The following PHF21A variants were observed in gnomAD, a reference collection of about 807,000 sequenced individuals.
The protein encoded by PHF21A is BHC80a.
PHF21A carries 11 observed loss-of-function variants against 82.5 expected under a neutral mutation model. That is an observed-to-expected ratio of 0.13 (90% CI 0.08 to 0.22). The LOEUF is 0.22. Among genes scored for constraint, PHF21A ranks in the 10% least tolerant of loss-of-function variants. The pLI is 1.00. For missense variants in PHF21A, 579 were observed against 837.8 expected (o/e 0.69, Z 3.81); for synonymous variants, 297 against 302.8 (o/e 0.98, Z 0.20).
chr11:46,010,686 T>A (rs2095394405), intron 6 of PHF21A, among the ~76,000 whole-genome samples: 1 of 152,202 alleles, frequency 6.6e-6, no homozygotes, highest in African/African-American at 2.4e-5. Context: ...TAAGCCAGCG[T>A]GCAAAGCCTT....
chr11:46,107,163 C>G (rs1302912587), intron 1 of PHF21A, among the ~76,000 whole-genome samples: 2 of 152,152 alleles, frequency 1.3e-5, no homozygotes, highest in Non-Finnish European at 2.9e-5. Context: ...TTCAAATTTC[C>G]TATATGTTTG....
At chr11:46,041,600 G>A (rs1036031531) in intron 6 of PHF21A, among the ~76,000 whole-genome samples, 2 of 152,054 alleles carry the variant, frequency 1.3e-5, no homozygotes, top group African/African-American at 4.8e-5. Flanking sequence ...GATTCCAAAG[G>A]TACAGGTCCT....
At chr11:46,013,329 G>A (rs2095447551) in intron 6 of PHF21A, among the ~76,000 whole-genome samples, 1 of 152,080 alleles carries the variant, frequency 6.6e-6, no homozygotes, top group Non-Finnish European at 1.5e-5. Flanking sequence ...TTCCTACCCA[G>A]ACTGCCATTG....
chr11:46,011,873 G>A (rs894486319), intron 6 of PHF21A, among the ~76,000 whole-genome samples: 1 of 152,098 alleles, frequency 6.6e-6, no homozygotes, highest in Non-Finnish European at 1.5e-5. Context: ...AACAAAAAGA[G>A]CAAAAACTTC....
chr11:46,061,012 T>A (rs922187841), intron 6 of PHF21A, among the ~76,000 whole-genome samples: 2 of 152,190 alleles, frequency 1.3e-5, no homozygotes, highest in African/African-American at 4.8e-5. Context: ...GCTACAGTTT[T>A]AATTTTCTGC....
At chr11:45,993,675 T>C (rs2094797143) in intron 6 of PHF21A, among the ~76,000 whole-genome samples, 1 of 151,528 alleles carries the variant, frequency 6.6e-6, no homozygotes, top group East Asian at 1.9e-4. Context: ...AGATGTCCCT[T>C]TCTGGTCATA....
At chr11:46,107,743 C>T (rs1281869638) in intron 1 of PHF21A, among the ~76,000 whole-genome samples, 1 of 152,110 alleles carries the variant, frequency 6.6e-6, no homozygotes, top group African/African-American at 2.4e-5. Flanking sequence ...CAAGTTAAAA[C>T]TCTCAAAGCT....
intron 6 of PHF21A, among the ~76,000 whole-genome samples, chr11:46,057,103 G>C (rs1449635646): frequency 6.6e-6 from 1 of 152,068 alleles, no homozygotes; most frequent in Non-Finnish European, 1.5e-5. Context: ...CTACAATTGA[G>C]AGGTTTTTTT....
rs146696376 is a variant in PHF21A, at chr11:46,007,496, T to C, written c.154-27530A>G. Among the ~76,000 whole-genome samples the C allele has an allele frequency of 1.6e-4, 25 of 152,210 alleles. No homozygotes were observed. In the East Asian group the frequency reaches 4.6e-3, roughly 28 times the overall value. ...GTCCAGCTTATTTTTGTATTTTTAG[T>C]AGAGATGGGGTTTCACCCTGTTGCC... On this transcript the variant is annotated intron_variant, in intron 6 of 18. Coordinates refer to ENST00000676320, the MANE Select transcript of PHF21A (RefSeq NM_001352027.3).
intron 18 of PHF21A, chr11:45,934,505 C>G: frequency 2.7e-6 from 1 of 364,842 alleles, no homozygotes. Flanking sequence ...CGCTTAAAAA[C>G]AAACCGGCAG....
At chr11:46,057,080 G>C (rs1334153815) in intron 6 of PHF21A, among the ~76,000 whole-genome samples, 1 of 152,048 alleles carries the variant, frequency 6.6e-6, no homozygotes, top group African/African-American at 2.4e-5. Flanking sequence ...ATCTGTTTTG[G>C]TTTATATAAA....
chr11:45,998,411 A>G (rs186365705), intron 6 of PHF21A, among the ~76,000 whole-genome samples: 97 of 152,232 alleles, frequency 6.4e-4, no homozygotes, highest in Non-Finnish European at 1.2e-3. Flanking sequence ...AGTATATAGT[A>G]TTGTAACAGA....
chr11:45,934,847 T>C, intron 18 of PHF21A: 1 of 355,628 alleles, frequency 2.8e-6, no homozygotes, highest in Non-Finnish European at 5.5e-6. Context: ...CTGGCTTCTA[T>C]TTTAGGCAGG....
At chr11:46,001,062 T>C (rs955501214) in intron 6 of PHF21A, among the ~76,000 whole-genome samples, 9 of 152,174 alleles carry the variant, frequency 5.9e-5, no homozygotes, top group Non-Finnish European at 1.2e-4. Context: ...CTCTAAGTAA[T>C]GCTACAGCAA....
At chr11:46,079,234 G>A (rs1470310540) in intron 4 of PHF21A, 68 bp from the exon 5 acceptor site, 2 of 1,147,930 alleles carry the variant, frequency 1.7e-6, no homozygotes, top group African/African-American at 1.6e-5. Flanking sequence ...ATCAGGTTTG[G>A]ACCAAAAAAT....
At chr11:45,986,738 A>G (rs912739404) in intron 6 of PHF21A, among the ~76,000 whole-genome samples, 1 of 152,222 alleles carries the variant, frequency 6.6e-6, no homozygotes. Context: ...AAAAAGGGAT[A>G]GTAACTAATG....
rs1452859819 is a variant in PHF21A at position 45,971,905 on chromosome 11, T to TTTTTTTTTTTTTTTTTTTTTTTTTTTA, written c.361-539_361-538insTAAAAAAAAAAAAAAAAAAAAAAAAAA. Reference sequence around the variant, plus strand: ...CTTTTTCTTTCTTTTTTTTTTTTTTTATGGTGTCACCCTGGAGAGAAGGAA... The same window carrying TTTTTTTTTTTTTTTTTTTTTTTTTTTA: ...CTTTTTCTTTCTTTTTTTTTTTTTTTTTTTTTTTTTTTTTTTTTTTTTTTTTAATGGTGTCACCCTGGAGAGAAGGAA... On this transcript the variant is annotated intron_variant, in intron 7 of 18. Coordinates refer to ENST00000676320, the MANE Select transcript of PHF21A (RefSeq NM_001352027.3). Among the ~76,000 whole-genome samples the TTTTTTTTTTTTTTTTTTTTTTTTTTTA allele has an allele frequency of 7.0e-3, 625 of 89,620 alleles. 147 individuals carry two copies. Among genetic ancestry groups the TTTTTTTTTTTTTTTTTTTTTTTTTTTA allele is most frequent in the East Asian group, 0.02 (26 of 1,332 alleles). The allele number at this position is 89,620 out of a possible 152,430, so 58.8% of individuals were successfully genotyped here. A position where few individuals can be genotyped will look rare whatever the true frequency, so the allele number is the denominator to read the frequency against.
At chr11:46,030,358 G>A (rs1015352824) in intron 6 of PHF21A, among the ~76,000 whole-genome samples, 51 of 152,120 alleles carry the variant, frequency 3.4e-4, no homozygotes, top group Admixed American at 2.5e-3. Context: ...GATCCTGCAC[G>A]ATCTTTTATT....
chr11:45,984,476 G>A (rs1230823572), intron 6 of PHF21A, among the ~76,000 whole-genome samples: 1 of 152,198 alleles, frequency 6.6e-6, no homozygotes, highest in South Asian at 2.1e-4. Flanking sequence ...GGTAGTCACG[G>A]TGATCAATAT....
Sources: allele counts gnomAD v4.1 joint callset (sites outside exome capture counted in the v4.1 genomes callset), GRCh38; gene constraint gnomAD v4.1.1; transcripts MANE v1.5; gene names NCBI Gene and HGNC (gene_info 2026-07-23, HGNC 2026-07-21).